The following CDH4 variants were observed in gnomAD, a reference collection of about 807,000 sequenced individuals.
CDH4 encodes the protein cadherin-4.
CDH4 carries 33 observed loss-of-function variants against 86.0 expected under a neutral mutation model. The ratio of observed to expected loss-of-function variants is 0.38; its 90% CI spans 0.29 to 0.51. The LOEUF (loss-of-function observed/expected upper bound fraction) is 0.51. Ranked by LOEUF, CDH4 falls within the 20% of genes least tolerant of loss-of-function variation. The pLI, the probability that CDH4 is intolerant of heterozygous loss-of-function variation, is 0.86. For synonymous variants in CDH4, 555 were observed against 549.4 expected, an observed-to-expected ratio of 1.01 and a Z score of -0.14; for missense variants, 1,114 against 1,307.4, an observed-to-expected ratio of 0.85 and a Z score of 2.28.
intron 3 of CDH4, among the ~76,000 whole-genome samples, chr20:61,755,290 C>CCACACACACCA (rs1438308973): frequency 1.6e-5 from 2 of 127,324 alleles, no homozygotes; most frequent in Non-Finnish European, 3.4e-5. Context: ...CACACACGCC[C>CCACACACACCA]CACACACACC....
At chr20:61,579,381 G>C (rs1045177877) in intron 2 of CDH4, among the ~76,000 whole-genome samples, 1 of 150,346 alleles carries the variant, frequency 6.7e-6, no homozygotes, top group African/African-American at 2.5e-5. Context: ...CCTCCTCCCG[G>C]GTTCAAGTGA....
chr20:61,379,623 T>C (rs1032567566), intron 2 of CDH4, among the ~76,000 whole-genome samples: 1 of 152,116 alleles, frequency 6.6e-6, no homozygotes, highest in Non-Finnish European at 1.5e-5. Flanking sequence ...TCACACTTTC[T>C]GAAATCCACA....
At chr20:61,439,784 C>T (rs774680794) in intron 2 of CDH4, among the ~76,000 whole-genome samples, 3 of 152,244 alleles carry the variant, frequency 2.0e-5, no homozygotes, top group Non-Finnish European at 4.4e-5. Context: ...GGATTCGAGG[C>T]GCCTCTTTGG....
chr20:61,847,783 T>C (rs192926042), intron 5 of CDH4, among the ~76,000 whole-genome samples: 1 of 145,100 alleles, frequency 6.9e-6, no homozygotes, highest in Non-Finnish European at 1.5e-5. Flanking sequence ...GTGGCAGGAG[T>C]GAGAGAGAGA....
intron 2 of CDH4, among the ~76,000 whole-genome samples, chr20:61,717,080 A>G (rs1167108166): frequency 6.6e-6 from 1 of 152,120 alleles, no homozygotes; most frequent in Non-Finnish European, 1.5e-5. Context: ...CCTGCTCCTC[A>G]GCATGCTGGG....
intron 2 of CDH4, among the ~76,000 whole-genome samples, chr20:61,270,005 G>T (rs2084175872): frequency 6.6e-6 from 1 of 152,190 alleles, no homozygotes; most frequent in South Asian, 2.1e-4. Flanking sequence ...AAGGTGGCTT[G>T]ATTTGATGGG....
chr20:61,724,819 A>G (rs985319320), intron 2 of CDH4, among the ~76,000 whole-genome samples: 1 of 152,224 alleles, frequency 6.6e-6, no homozygotes, highest in African/African-American at 2.4e-5. Flanking sequence ...TTAATTTAAA[A>G]AAGAGAGAGG....
intron 3 of CDH4, among the ~76,000 whole-genome samples, chr20:61,758,581 G>A (rs559358655): frequency 2.0e-5 from 3 of 152,188 alleles, no homozygotes; most frequent in Non-Finnish European, 2.9e-5. Context: ...TCTCTGATCC[G>A]TCTGCAAAAT....
chr20:61,706,364 G>C (rs538849762), intron 2 of CDH4, among the ~76,000 whole-genome samples: 2 of 152,144 alleles, frequency 1.3e-5, no homozygotes, highest in Non-Finnish European at 2.9e-5. Flanking sequence ...ACCACCACCC[G>C]AGGCACCGAC....
intron 2 of CDH4, among the ~76,000 whole-genome samples, chr20:61,573,518 G>C (rs1218044581): frequency 1.3e-5 from 2 of 152,212 alleles, no homozygotes; most frequent in Non-Finnish European, 2.9e-5. Context: ...TCATGTCTGA[G>C]GGTCCTTGGG....
At chr20:61,588,417 A>C (rs2086494194) in intron 2 of CDH4, among the ~76,000 whole-genome samples, 1 of 152,244 alleles carries the variant, frequency 6.6e-6, no homozygotes, top group Non-Finnish European at 1.5e-5. Context: ...TGTTCTGTTC[A>C]GCTCGTACCA....
rs1373150129 is a variant in CDH4 at position 61,681,911 on chromosome 20, C to G, written c.170-61652C>G. Among the ~76,000 whole-genome samples the G allele has an allele frequency of 6.6e-6, 1 of 152,232 alleles. No homozygotes were observed. Among genetic ancestry groups the G allele is most frequent in the East Asian group, 1.9e-4 (1 of 5,202 alleles). On this transcript the variant is annotated intron_variant, in intron 2 of 15. Coordinates refer to ENST00000614565, the MANE Select transcript of CDH4 (RefSeq NM_001794.5). This position sits in a 1 kb window ranked among gnomAD's most constrained non-coding sequence, Gnocchi z 4.5. ...AAATGACGTGATGCCAAGGCCAGGGCTGTGAACTTGCAGGAGCTGCCTGTG... is the reference window on the plus strand; with the variant it reads ...AAATGACGTGATGCCAAGGCCAGGGGTGTGAACTTGCAGGAGCTGCCTGTG...
In CDH4 at chr20:61,392,199, T is replaced by C. The variant is rs902036034; in HGVS notation, c.169+137262T>C. Among the ~76,000 whole-genome samples the C allele has an allele frequency of 6.6e-6, 1 of 151,714 alleles. No individual in the cohort carries two copies. Among genetic ancestry groups the C allele is most frequent in the Non-Finnish European group, 1.5e-5 (1 of 67,962 alleles). On this transcript the variant is annotated intron_variant, in intron 2 of 15. Transcript: ENST00000614565. This position sits in a 1 kb window ranked among gnomAD's most constrained non-coding sequence, Gnocchi z 5.7. ...CAGGGACTCCTCCAGTGGTTTAACG[T>C]GCAGTGTGAGTGGCCTTAACACGGG...
chr20:61,878,657 G>A (rs774230632), intron 7 of CDH4, among the ~76,000 whole-genome samples: 6 of 152,218 alleles, frequency 3.9e-5, no homozygotes, highest in Non-Finnish European at 5.9e-5. Context: ...GCCAGTCTCT[G>A]CAGCAGTTTA....
chr20:61,888,030 C>T (rs1396992862), intron 7 of CDH4, among the ~76,000 whole-genome samples: 1 of 152,164 alleles, frequency 6.6e-6, no homozygotes, highest in Non-Finnish European at 1.5e-5. Context: ...GGAAGAAAAT[C>T]GGATTTGTAA....
chr20:61,592,654 G>A (rs1182454139), intron 2 of CDH4, among the ~76,000 whole-genome samples: 1 of 151,974 alleles, frequency 6.6e-6, no homozygotes. Flanking sequence ...CTACAGGCCC[G>A]AGATAACAAC....
intron 2 of CDH4, among the ~76,000 whole-genome samples, chr20:61,585,116 C>T (rs575287313): frequency 2.0e-5 from 3 of 152,354 alleles, no homozygotes; most frequent in Non-Finnish European, 2.9e-5. Flanking sequence ...AATCTTGGCT[C>T]AGGGTGACCA....
intron 2 of CDH4, among the ~76,000 whole-genome samples, chr20:61,478,967 T>C (rs1002493264): frequency 8.5e-5 from 13 of 152,170 alleles, no homozygotes; most frequent in Admixed American, 8.5e-4. Flanking sequence ...GAAATTTTTT[T>C]TTTTTTTGGC....
In CDH4 at chr20:61,928,531, T is replaced by TC. The variant is rs148538735; in HGVS notation, c.2005+110dup. 4.5e-4 allele frequency: 402 copies of TC among 896,914 alleles called. 1 individual carries two copies. In the African/African-American group the frequency reaches 5.6e-3, roughly 12 times the overall value. The allele number at this position is 896,914 out of a possible 1,614,324, so 55.6% of individuals were successfully genotyped here. On this transcript the variant is annotated intron_variant, in intron 12 of 15. Transcript: ENST00000614565. ...GGGCACCAGAGGTGGGTGACAGTCCTCCAACAGGACTGTCCCACCAAGGCT... is the reference window on the plus strand; with the variant it reads ...GGGCACCAGAGGTGGGTGACAGTCCTCCCAACAGGACTGTCCCACCAAGGCT...
Sources: allele counts gnomAD v4.1 joint callset (sites outside exome capture counted in the v4.1 genomes callset), GRCh38; gene constraint gnomAD v4.1.1; non-coding constraint Gnocchi (gnomAD v3.1); transcripts MANE v1.5; gene names NCBI Gene and HGNC (gene_info 2026-07-23, HGNC 2026-07-21).